The following SUCLG1 variants were observed in gnomAD, a reference collection of about 807,000 sequenced individuals.
SUCLG1 encodes succinate-CoA ligase GDP/ADP-forming subunit alpha.
Under a neutral mutation model 37.3 loss-of-function variants are expected in SUCLG1, and 26 were observed. That is an observed-to-expected ratio of 0.70 (90% CI 0.51 to 0.97). The LOEUF is 0.97. Among genes scored for constraint, SUCLG1 ranks in the 50% least tolerant of loss-of-function variants. SUCLG1 has a pLI of 0.00. For synonymous variants in SUCLG1, 163 were observed against 155.6 expected (o/e 1.05, Z -0.36); for missense variants, 433 against 432.9 (o/e 1.00, Z 0.00).
chr2:84,448,023 C>T (rs765399054), intron 2 of SUCLG1, among the ~76,000 whole-genome samples: 2 of 152,066 alleles, frequency 1.3e-5, no homozygotes, highest in East Asian at 3.9e-4. Flanking sequence ...TGGGCTACCA[C>T]ATCCTGCCAT....
chr2:84,445,376 G>A (rs1187814682), intron 2 of SUCLG1, among the ~76,000 whole-genome samples: 1 of 151,886 alleles, frequency 6.6e-6, no homozygotes, highest in Non-Finnish European at 1.5e-5. Flanking sequence ...CCTTATCATG[G>A]CAATACATAT....
At chr2:84,447,833 G>C (rs1440658970) in intron 2 of SUCLG1, among the ~76,000 whole-genome samples, 1 of 152,036 alleles carries the variant, frequency 6.6e-6, no homozygotes, top group Non-Finnish European at 1.5e-5. Flanking sequence ...GGACTCAAGT[G>C]ATCCTTCCAC....
At chr2:84,434,685 T>C (rs1318718501) in intron 5 of SUCLG1, among the ~76,000 whole-genome samples, 1 of 152,168 alleles carries the variant, frequency 6.6e-6, no homozygotes, top group African/African-American at 2.4e-5. Context: ...TCTAACAATA[T>C]GATCACCCTA....
intron 2 of SUCLG1, among the ~76,000 whole-genome samples, chr2:84,445,244 T>A (rs889517827): frequency 6.6e-6 from 1 of 152,192 alleles, no homozygotes; most frequent in African/African-American, 2.4e-5. Flanking sequence ...GTCTATGAAA[T>A]CTTCACAATT....
At chr2:84,431,903 G>A (rs1003557394) in intron 6 of SUCLG1, among the ~76,000 whole-genome samples, 2 of 152,190 alleles carry the variant, frequency 1.3e-5, no homozygotes, top group South Asian at 2.1e-4. Context: ...TTCTAGGGCT[G>A]TAACGAAGAC....
rs189471220 is a variant in SUCLG1 at position 84,424,086 on chromosome 2, G to T, written c.1015-314C>A. 5.6e-4 allele frequency among the ~76,000 whole-genome samples: 86 copies of T among 152,254 alleles called. 1 individual carries two copies. The highest frequency in any genetic ancestry group is 2.0e-3 in the African/African-American group (84 of 41,552). ...CAGCAGTATAATAACAATAATTTTG[G>T]GAGCTGAGAAACTTCATTATGCTTC... is the stretch of plus-strand genomic sequence containing the variant. On this transcript the variant is annotated intron_variant, in intron 8 of 8. Transcript: ENST00000393868.
chr2:84,454,772 C>T (rs1672993757), intron 1 of SUCLG1, among the ~76,000 whole-genome samples: 1 of 152,194 alleles, frequency 6.6e-6, no homozygotes, highest in Non-Finnish European at 1.5e-5. Flanking sequence ...GATAGTAACA[C>T]ATCATTTATA....
At chr2:84,442,296 G>T (rs1672786949) in intron 3 of SUCLG1, among the ~76,000 whole-genome samples, 1 of 152,004 alleles carries the variant, frequency 6.6e-6, no homozygotes, top group Non-Finnish European at 1.5e-5. Flanking sequence ...AGGCAGGAAG[G>T]ACTTTAAATT....
Position 84,441,034 on chromosome 2 carries a change from C to A in SUCLG1, c.589+13G>T, listed in dbSNP as rs2104253407. ...AACGTTTTAATCTATAAGAATGTAACAAACAAACTCACCAATCCTTCCTTT... is the reference window on the plus strand; with the variant it reads ...AACGTTTTAATCTATAAGAATGTAAAAAACAAACTCACCAATCCTTCCTTT... On this transcript the variant is annotated intron_variant, in intron 5 of 8. Transcript: ENST00000393868. The A allele has an allele frequency of 6.2e-7, 1 of 1,613,352 alleles. No individual in the cohort carries two copies. The highest frequency in any genetic ancestry group is 1.1e-5 in the South Asian group (1 of 91,062).
At chr2:84,435,182 T>A (rs768614931) in intron 5 of SUCLG1, among the ~76,000 whole-genome samples, 1 of 152,196 alleles carries the variant, frequency 6.6e-6, no homozygotes, top group Non-Finnish European at 1.5e-5. Context: ...ATATTTGTTC[T>A]GCTTAAGATG....
rs138470502 is a variant in SUCLG1, at chr2:84,449,691, A to G, written c.159T>C (p.Asp53=). Residue 53 remains aspartate (D), a synonymous_variant, in exon 2 of 9, where the codon GAT becomes GAC. Coordinates refer to ENST00000393868, the MANE Select transcript of SUCLG1 (RefSeq NM_003849.4). ...CCTGGCAAATAATCTTTGTATTTTTATCAACATAGAGATGTTGCCGAGAAG... is the reference window on the plus strand; with the variant it reads ...CCTGGCAAATAATCTTTGTATTTTTGTCAACATAGAGATGTTGCCGAGAAG... ...YTASRQHLYV[D]KNTKIICQGF... 92 of 1,591,532 alleles carry G rather than the reference A, an allele frequency of 5.8e-5. No individual in the cohort carries two copies. In the African/African-American group the frequency reaches 1.2e-3, roughly 22 times the overall value.
rs557069663 is a variant in SUCLG1, at chr2:84,448,138, A to G, written c.201+1511T>C. On this transcript the variant is annotated intron_variant, in intron 2 of 8. Coordinates refer to ENST00000393868, the MANE Select transcript of SUCLG1 (RefSeq NM_003849.4). ...GAATGGAAGAAGAAAAAGAAGGTCC[A>G]CTGCAACACATTCGTGTGCTCAGTT... Among the ~76,000 whole-genome samples, 23 of 150,104 alleles carry G rather than the reference A, an allele frequency of 1.5e-4. No homozygotes were observed. The East Asian group carries it at 4.1e-3, about 27-fold the overall frequency.
chr2:84,453,708 T>C (rs978558802), intron 1 of SUCLG1, among the ~76,000 whole-genome samples: 6 of 152,214 alleles, frequency 3.9e-5, no homozygotes, highest in African/African-American at 9.6e-5. Context: ...GGAGCCACCA[T>C]GCCCAGCCGA....
rs116239891 is a variant in SUCLG1, at chr2:84,448,258, G to T, written c.201+1391C>A. Among the ~76,000 whole-genome samples the T allele has an allele frequency of 6.7e-3, 1,014 of 151,596 alleles. 13 individuals are homozygous for T. The highest frequency in any genetic ancestry group is 0.023 in the African/African-American group (939 of 41,318). Reference sequence around the variant, plus strand: ...TGCTAACTGCAGTCTATAGGATTTGGCCCACTACCTGGTTTTGTAAATTAA... The same window carrying T: ...TGCTAACTGCAGTCTATAGGATTTGTCCCACTACCTGGTTTTGTAAATTAA... On this transcript the variant is annotated intron_variant, in intron 2 of 8. Transcript: ENST00000393868.
chr2:84,451,550 C>A (rs984187772), intron 1 of SUCLG1, among the ~76,000 whole-genome samples: 7 of 152,174 alleles, frequency 4.6e-5, no homozygotes, highest in Non-Finnish European at 1.0e-4. Flanking sequence ...CAATAACAGA[C>A]CAACGAAGAT....
intron 5 of SUCLG1, among the ~76,000 whole-genome samples, chr2:84,440,833 A>C (rs567665240): frequency 2.0e-5 from 3 of 152,224 alleles, no homozygotes; most frequent in Non-Finnish European, 2.9e-5. Context: ...CACCACCAAA[A>C]AAATCTTCAC....
At position 84,431,566 on chromosome 2, in the gene SUCLG1, C is replaced by T; in HGVS notation, c.767G>A (p.Gly256Asp). 6.2e-7 allele frequency: 1 copy of T among 1,614,040 alleles called. No homozygotes were observed. Among genetic ancestry groups the T allele is most frequent in the Non-Finnish European group, 8.5e-7 (1 of 1,179,956 alleles). Residue 256 changes from glycine (G) to aspartate (D), a missense_variant, in exon 7 of 9, where the codon GGT becomes GAT. Gly to Asp is a moderately conservative substitution (Grantham distance 94). Transcript: ENST00000393868. ...CTCTTCTGCATTACCACCAATTTCA[C>T]CAATCAATATGATGCCTTCTGTGGC... ...DSATEGIILI[G>D]EIGGNAEENA...
chr2:84,423,891 A>G (rs1236308997), intron 8 of SUCLG1, 119 bp from the exon 9 acceptor site: 1 of 1,070,446 alleles, frequency 9.3e-7, no homozygotes, highest in Non-Finnish European at 1.4e-6. Flanking sequence ...CTGAACAATC[A>G]AATTACAGAA....
At chr2:84,429,219 A>G (rs1289346670) in intron 7 of SUCLG1, among the ~76,000 whole-genome samples, 1 of 152,210 alleles carries the variant, frequency 6.6e-6, no homozygotes, top group East Asian at 1.9e-4. Context: ...CTAACCAGGA[A>G]TAGGAAACAT....
Sources: allele counts gnomAD v4.1 joint callset (sites outside exome capture counted in the v4.1 genomes callset), GRCh38; gene constraint gnomAD v4.1.1; transcripts MANE v1.5; gene names NCBI Gene and HGNC (gene_info 2026-07-23, HGNC 2026-07-21).